Variants in MARF1 observed in about 807,000 individuals in gnomAD.
MARF1 encodes limkain-b1.
MARF1 carries 24 observed loss-of-function variants against 168.2 expected under a neutral mutation model. That is an observed-to-expected ratio of 0.14 (90% CI 0.10 to 0.20). The LOEUF is 0.20. Ranked by LOEUF, MARF1 falls within the 10% of genes least tolerant of loss-of-function variation. The pLI, the probability that MARF1 is intolerant of heterozygous loss-of-function variation, is 1.00. For missense variants in MARF1, 1,744 were observed against 2,143.6 expected (o/e 0.81, Z 3.68); for synonymous variants, 868 against 822.4 (o/e 1.06, Z -0.95).
At chr16:15,627,056 C>T (rs115465169) in intron 7 of MARF1, among the ~76,000 whole-genome samples, 2,026 of 151,330 alleles carry the variant, frequency 0.013, 49 homozygotes, top group African/African-American at 0.047. Context: ...AACAAACGAA[C>T]GAACGAACGA....
intron 15 of MARF1, 34 bp from the exon 16 acceptor site, chr16:15,616,039 G>GT (rs761061350): frequency 3.1e-5 from 44 of 1,427,510 alleles, no homozygotes; most frequent in Non-Finnish European, 4.0e-5. Flanking sequence ...AAAAGGAAAG[G>GT]TTAAATCAAA....
chr16:15,639,275 T>C lies in MARF1; in HGVS notation c.-42A>G. ...ATTCAACATCCTTTCATCTTTCTTTTCTTTCATTCTTCCACCCTGTTAAGA... is the reference window on the plus strand; with the variant it reads ...ATTCAACATCCTTTCATCTTTCTTTCCTTTCATTCTTCCACCCTGTTAAGA... On this transcript the variant is annotated 5_prime_UTR_variant, in exon 2 of 27. Coordinates refer to ENST00000396368, the MANE Select transcript of MARF1 (RefSeq NM_014647.4). The C allele has an allele frequency of 6.3e-7, 1 of 1,587,180 alleles. No individual in the cohort carries two copies. Among genetic ancestry groups the C allele is most frequent in the African/African-American group, 1.4e-5 (1 of 74,048 alleles).
intron 16 of MARF1, among the ~76,000 whole-genome samples, chr16:15,615,469 C>T (rs2033969674): frequency 6.6e-6 from 1 of 151,804 alleles, no homozygotes; most frequent in African/African-American, 2.4e-5. Context: ...ACTAAAAATA[C>T]AAAAAATTAG....
chr16:15,597,903 A>C (rs2031917880), intron 26 of MARF1, among the ~76,000 whole-genome samples: 1 of 151,834 alleles, frequency 6.6e-6, no homozygotes, highest in African/African-American at 2.4e-5. Context: ...ATCCGCAGGC[A>C]GTTACTTCCC....
At position 15,621,804 on chromosome 16, in the gene MARF1, G is replaced by A. The variant is rs1182871396; in HGVS notation, c.2568C>T (p.Tyr856=). 9 of 1,613,970 alleles carry A rather than the reference G, an allele frequency of 5.6e-6. No individual in the cohort carries two copies. Among genetic ancestry groups the A allele is most frequent in the Admixed American group, 5.0e-5 (3 of 59,984 alleles). The change falls in exon 12 of 27, where the codon TAC becomes TAT. Residue 856 remains tyrosine (Y), a synonymous_variant. Transcript: ENST00000396368. ...CCAGGATCTTTTTGCTGCCAATTTT[G>A]TATCTGTGGAGGCTATTCACTGCAC... is the stretch of plus-strand genomic sequence containing the variant. ...AIGAVNSLHR[Y]KIGSKKILVS... is the part of the protein sequence containing the mutation.
In MARF1 at chr16:15,624,637, A is replaced by C. The variant is rs571969779; in HGVS notation, c.2270+132T>G. 1.0e-3 allele frequency: 805 copies of C among 784,242 alleles called. 1 individual carries two copies. Among genetic ancestry groups the C allele is most frequent in the Non-Finnish European group, 1.5e-3 (723 of 480,610 alleles). The allele number at this position is 784,242 out of a possible 1,614,324, so 48.6% of individuals were successfully genotyped here. On this transcript the variant is annotated intron_variant, in intron 10 of 26. Transcript: ENST00000396368. Reference sequence around the variant, plus strand: ...ACGATGATTACCTGAGGAGAGGGGGACTGGCAGAAGAGTGATGGGAGACTT... The same window carrying C: ...ACGATGATTACCTGAGGAGAGGGGGCCTGGCAGAAGAGTGATGGGAGACTT...
chr16:15,612,535 G>A, intron 17 of MARF1, 22 bp downstream of exon 17: 1 of 1,593,806 alleles, frequency 6.3e-7, no homozygotes, highest in East Asian at 2.2e-5. Flanking sequence ...CTGTAAACAA[G>A]TAATCCCGTG....
At chr16:15,630,112 CAT>C (rs2035150631) in intron 7 of MARF1, 1 of 411,438 alleles carries the variant, frequency 2.4e-6, no homozygotes, top group African/African-American at 2.0e-5. Flanking sequence ...AAGTCAATTT[CAT>C]ATGATATTTT....
intron 16 of MARF1, among the ~76,000 whole-genome samples, chr16:15,614,818 C>T (rs2033914267): frequency 6.6e-6 from 1 of 152,070 alleles, no homozygotes; most frequent in African/African-American, 2.4e-5. Flanking sequence ...GAGCTTCACT[C>T]TTGTCACCCA....
In MARF1 at chr16:15,611,004, T is replaced by G; in HGVS notation, c.3722A>C (p.Asn1241Thr). Reference sequence around the variant, plus strand: ...TTTGGGGATACAAATCACCATTTCATTATCTTGTTGGGACAAGCAGATGGT... The same window carrying G: ...TTTGGGGATACAAATCACCATTTCAGTATCTTGTTGGGACAAGCAGATGGT... ...DTTICLSQQD[N>T]EMVICIPKRE... The change falls in exon 19 of 27, where the codon AAT becomes ACT. Residue 1241 changes from asparagine (N) to threonine (T), a missense_variant. Coordinates refer to ENST00000396368, the MANE Select transcript of MARF1 (RefSeq NM_014647.4). The G allele has an allele frequency of 6.2e-7, 1 of 1,614,024 alleles. No homozygotes were observed. The highest frequency in any genetic ancestry group is 1.7e-5 in the Admixed American group (1 of 60,006).
chr16:15,620,871 G>A (rs1187758683), intron 12 of MARF1, among the ~76,000 whole-genome samples: 1 of 152,090 alleles, frequency 6.6e-6, no homozygotes, highest in African/African-American at 2.4e-5. Context: ...CCATAGATAA[G>A]GATACACAAC....
intron 26 of MARF1, 72 bp downstream of exon 26, chr16:15,598,782 T>C (rs2032043055): frequency 1.4e-6 from 2 of 1,427,454 alleles, no homozygotes; most frequent in East Asian, 4.6e-5. Flanking sequence ...CGTCATTTAC[T>C]ATATCAGTAT....
At position 15,623,025 on chromosome 16, in the gene MARF1, C is replaced by G; in HGVS notation, c.2369G>C (p.Gly790Ala). 2 of 1,611,500 alleles carry G rather than the reference C, an allele frequency of 1.2e-6. No individual in the cohort carries two copies. The highest frequency in any genetic ancestry group is 1.7e-4 in the Middle Eastern group (1 of 6,038). ...EADCPDPFAN[G>A]ADVQVSNIDY... is the part of the protein sequence containing the mutation. ...TATGTTGCTGACTTGGACATCAGCA[C>G]CATTTGCAAATGGGTCTGGGCAGTC... is the stretch of plus-strand genomic sequence containing the variant. Residue 790 changes from glycine to alanine, a missense_variant, in exon 11 of 27, where the codon GGT becomes GCT. By Grantham distance (60) the Gly-to-Ala change is moderately conservative. Coordinates refer to ENST00000396368, the MANE Select transcript of MARF1 (RefSeq NM_014647.4).
Position 15,625,155 on chromosome 16 carries a change from A to C in MARF1, c.1972T>G (p.Ser658Ala). The change falls in exon 9 of 27, where the codon TCA becomes GCA. Residue 658 changes from serine to alanine, a missense_variant. Around this residue, in one of 7 missense-constraint regions of MARF1, gnomAD observed 270 missense variants for 260.6 expected, o/e 1.04. Transcript: ENST00000396368. ...TCACTGTTTCTATGACCAGTTTTTG[A>C]CTCCATGCGGCACAGCTCCTTCAAA... is the stretch of plus-strand genomic sequence containing the variant. Reference protein sequence around the residue: ...KSLQELCRMESKTGHRNSEHQ... With the variant: ...KSLQELCRMEAKTGHRNSEHQ... The C allele has an allele frequency of 6.2e-7, 1 of 1,613,874 alleles. No homozygotes were observed. Among genetic ancestry groups the C allele is most frequent in the Non-Finnish European group, 8.5e-7 (1 of 1,179,978 alleles).
chr16:15,642,057 A>G (rs1481244046), intron 1 of MARF1, among the ~76,000 whole-genome samples: 1 of 152,202 alleles, frequency 6.6e-6, no homozygotes, highest in Non-Finnish European at 1.5e-5. Flanking sequence ...TCTGAACCTC[A>G]GATCCCATCT....
chr16:15,622,358 G>A (rs1309197373), intron 11 of MARF1, among the ~76,000 whole-genome samples: 1 of 150,982 alleles, frequency 6.6e-6, no homozygotes, highest in African/African-American at 2.4e-5. Flanking sequence ...AGAGCTAACT[G>A]AAATCCATCA....
At chr16:15,640,708 AC>A (rs2035893246) in intron 1 of MARF1, among the ~76,000 whole-genome samples, 1 of 152,188 alleles carries the variant, frequency 6.6e-6, no homozygotes, top group Non-Finnish European at 1.5e-5. Flanking sequence ...AAACCAACAA[AC>A]AAAATTACAT....
At chr16:15,620,622 T>C (rs779942018) in intron 12 of MARF1, 91 bp from the exon 13 acceptor site, 5 of 785,862 alleles carry the variant, frequency 6.4e-6, no homozygotes, top group Non-Finnish European at 1.0e-5. Context: ...CCAGTGCATA[T>C]GCAAAATAAA....
rs200576255 is a variant in MARF1 at position 15,611,757 on chromosome 16, A to G, written c.3475-23T>C. The G allele has an allele frequency of 3.1e-6, 5 of 1,612,486 alleles. No individual in the cohort carries two copies. The African/African-American group carries it at 6.7e-5, about 22-fold the overall frequency. ...AATCTGCAAAGCAAATAGTTTATTT[A>G]TACACATAAGACCTCAGCAGACAGC... is the stretch of plus-strand genomic sequence containing the variant. On this transcript the variant is annotated intron_variant, in intron 17 of 26. Coordinates refer to ENST00000396368, the MANE Select transcript of MARF1 (RefSeq NM_014647.4).
Sources: allele counts gnomAD v4.1 joint callset (sites outside exome capture counted in the v4.1 genomes callset), GRCh38; gene constraint gnomAD v4.1.1; regional missense constraint gnomAD v4.1.1; transcripts MANE v1.5; gene names NCBI Gene and HGNC (gene_info 2026-07-23, HGNC 2026-07-21).